The following ANKH variants were observed in gnomAD, a reference collection of about 807,000 sequenced individuals.
ANKH encodes ANKH inorganic pyrophosphate transport regulator.
A neutral mutation model predicts 49.0 loss-of-function variants in ANKH; 15 were observed. The ratio of observed to expected loss-of-function variants is 0.31; its 90% CI spans 0.20 to 0.47. The LOEUF is 0.47. Ranked by LOEUF, ANKH falls within the 20% of genes least tolerant of loss-of-function variation. The pLI, the probability that ANKH is intolerant of heterozygous loss-of-function variation, is 1.00. For missense variants in ANKH, 429 were observed against 652.0 expected (o/e 0.66, Z 3.72); for synonymous variants, 273 against 260.0 (o/e 1.05, Z -0.48).
chr5:14,843,238 C>T (rs1369576404), intron 1 of ANKH, among the ~76,000 whole-genome samples: 1 of 148,564 alleles, frequency 6.7e-6, no homozygotes, highest in Non-Finnish European at 1.5e-5. Flanking sequence ...TGCAATGGCA[C>T]AATTTTGGCT....
chr5:14,739,781 T>C (rs1236815861), intron 8 of ANKH, among the ~76,000 whole-genome samples: 1 of 152,182 alleles, frequency 6.6e-6, no homozygotes, highest in Non-Finnish European at 1.5e-5. Context: ...CATTTCCTTT[T>C]CTGAAAAATT....
intron 7 of ANKH, among the ~76,000 whole-genome samples, chr5:14,744,451 G>C (rs1297981802): frequency 7.4e-6 from 1 of 134,638 alleles, no homozygotes; most frequent in Non-Finnish European, 1.6e-5. Flanking sequence ...ACGTGACCAT[G>C]GGTAAGGGAA....
At chr5:14,855,762 T>C (rs1466936885) in intron 1 of ANKH, among the ~76,000 whole-genome samples, 2 of 151,348 alleles carry the variant, frequency 1.3e-5, no homozygotes, top group African/African-American at 4.9e-5. Flanking sequence ...TACTTAAATA[T>C]TAGTAACTCA....
intron 1 of ANKH, among the ~76,000 whole-genome samples, chr5:14,855,697 C>T (rs751369058): frequency 1.3e-5 from 2 of 152,028 alleles, no homozygotes; most frequent in African/African-American, 2.4e-5. Flanking sequence ...TGTCAAATAG[C>T]AGCCTATAAT....
At chr5:14,793,007 A>AATATATATAAAAAT (rs1740225569) in intron 1 of ANKH, among the ~76,000 whole-genome samples, 3 of 79,726 alleles carry the variant, frequency 3.8e-5, no homozygotes, top group Non-Finnish European at 7.0e-5. Context: ...TATATATATA[A>AATATATATAAAAAT]ATATATATAT....
intron 1 of ANKH, among the ~76,000 whole-genome samples, chr5:14,824,157 C>T (rs888891674): frequency 6.6e-6 from 1 of 151,916 alleles, no homozygotes; most frequent in Non-Finnish European, 1.5e-5. Context: ...GCCATCCTTC[C>T]TTGAAAGAAG....
chr5:14,745,971 G>T lies in ANKH; in HGVS notation c.823-9C>A, dbSNP rs1738523219. ...GTCAAAATCGCCACTGCCTGCAACAGGAAGAGGTGGCAGAGTTAGCAGGGT... is the reference window on the plus strand; with the variant it reads ...GTCAAAATCGCCACTGCCTGCAACATGAAGAGGTGGCAGAGTTAGCAGGGT... On this transcript the variant is annotated splice_polypyrimidine_tract_variant and intron_variant, in intron 6 of 11. Transcript: ENST00000284268. This position sits in a 1 kb window ranked among gnomAD's most constrained non-coding sequence, Gnocchi z 4.7. 1.9e-6 allele frequency: 3 copies of T among 1,612,274 alleles called. No individual in the cohort carries two copies. The highest frequency in any genetic ancestry group is 2.5e-6 in the Non-Finnish European group (3 of 1,178,576).
At chr5:14,736,082 A>G (rs911936376) in intron 8 of ANKH, among the ~76,000 whole-genome samples, 10 of 133,612 alleles carry the variant, frequency 7.5e-5, no homozygotes, top group African/African-American at 3.0e-4. Context: ...GACCTCGGAT[A>G]CCCTTGCACT....
chr5:14,785,158 C>T (rs1365973952), intron 1 of ANKH, among the ~76,000 whole-genome samples: 1 of 152,198 alleles, frequency 6.6e-6, no homozygotes, highest in Non-Finnish European at 1.5e-5. Context: ...TGTGAGAATT[C>T]TACTCAGAGA....
chr5:14,765,451 C>A (rs1322959194), intron 2 of ANKH, among the ~76,000 whole-genome samples: 1 of 152,104 alleles, frequency 6.6e-6, no homozygotes, highest in African/African-American at 2.4e-5. Flanking sequence ...TGGGCACATT[C>A]TCTGGGGCCA....
chr5:14,840,541 T>C (rs1211914330), intron 1 of ANKH, among the ~76,000 whole-genome samples: 1 of 152,204 alleles, frequency 6.6e-6, no homozygotes, highest in African/African-American at 2.4e-5. Flanking sequence ...CCAAAGTATA[T>C]TGAGTTGTGC....
intron 8 of ANKH, among the ~76,000 whole-genome samples, chr5:14,730,034 A>T (rs1737945506): frequency 1.3e-5 from 2 of 152,214 alleles, no homozygotes; most frequent in Non-Finnish European, 2.9e-5. Context: ...CAGGCAGTGA[A>T]GCCCAACAGA....
chr5:14,810,348 G>A (rs777255149), intron 1 of ANKH, among the ~76,000 whole-genome samples: 12 of 151,984 alleles, frequency 7.9e-5, no homozygotes, highest in Admixed American at 4.6e-4. Flanking sequence ...TAGTAGAGGC[G>A]CGGTTTCACC....
chr5:14,741,643 G>GACTCAA, intron 8 of ANKH, 184 bp downstream of exon 8: 1 of 590,778 alleles, frequency 1.7e-6, no homozygotes, highest in African/African-American at 1.9e-5. Context: ...TTTATTCCTA[G>GACTCAA]ACTCAAGGGC....
chr5:14,866,164 G>A (rs778801377), intron 1 of ANKH, among the ~76,000 whole-genome samples: 4 of 152,172 alleles, frequency 2.6e-5, no homozygotes, highest in Non-Finnish European at 5.9e-5. Context: ...CTGCCATCAT[G>A]CCCCGCTAAT....
chr5:14,740,383 A>G (rs961756130), intron 8 of ANKH, among the ~76,000 whole-genome samples: 2 of 152,152 alleles, frequency 1.3e-5, no homozygotes, highest in East Asian at 3.8e-4. Flanking sequence ...AACTATGGAA[A>G]AGCTTGGGCA....
At chr5:14,759,790 G>A (rs549863781) in intron 2 of ANKH, among the ~76,000 whole-genome samples, 89 of 142,994 alleles carry the variant, frequency 6.2e-4, no homozygotes, top group African/African-American at 2.3e-3. Context: ...AGAGGAGAGG[G>A]GAGGGGAGGG....
chr5:14,757,755 C>T (rs1003350237), intron 3 of ANKH, among the ~76,000 whole-genome samples: 3 of 152,072 alleles, frequency 2.0e-5, no homozygotes, highest in African/African-American at 2.4e-5. Flanking sequence ...CTGCCACCTA[C>T]CAGAACTTGT....
chr5:14,817,708 C>A (rs561127333), intron 1 of ANKH, among the ~76,000 whole-genome samples: 1 of 152,218 alleles, frequency 6.6e-6, no homozygotes, highest in African/African-American at 2.4e-5. Context: ...TTCCCTCTGA[C>A]ATGGCTACAT....
Sources: allele counts gnomAD v4.1 joint callset (sites outside exome capture counted in the v4.1 genomes callset), GRCh38; gene constraint gnomAD v4.1.1; non-coding constraint Gnocchi (gnomAD v3.1); transcripts MANE v1.5; gene names NCBI Gene and HGNC (gene_info 2026-07-23, HGNC 2026-07-21).